Variants in SCP2 observed in about 807,000 individuals in gnomAD.
SCP2 encodes sterol carrier protein 2.
SCP2 carries 48 observed loss-of-function variants against 71.4 expected under a neutral mutation model. That is an observed-to-expected ratio of 0.67 (90% CI 0.53 to 0.86). The LOEUF is 0.86. SCP2 is among the 40% of genes least tolerant of loss of function. The pLI is 0.00. For synonymous variants in SCP2, 220 were observed against 218.1 expected (o/e 1.01, Z -0.08); for missense variants, 560 against 655.6 (o/e 0.85, Z 1.59).
intron 12 of SCP2, among the ~76,000 whole-genome samples, chr1:53,017,811 T>C (rs984601297): frequency 6.6e-6 from 1 of 152,160 alleles, no homozygotes; most frequent in Non-Finnish European, 1.5e-5. Context: ...AGAAAAATTG[T>C]TGGAGTAGTA....
At chr1:52,981,517 A>C (rs1387521669) in intron 10 of SCP2, among the ~76,000 whole-genome samples, 2 of 150,086 alleles carry the variant, frequency 1.3e-5, no homozygotes, top group African/African-American at 4.9e-5. Flanking sequence ...GCTCATTGCA[A>C]CTTCTGCCTC....
intron 11 of SCP2, among the ~76,000 whole-genome samples, chr1:53,002,186 C>CA (rs57702073): frequency 0.096 from 7,294 of 75,602 alleles, 231 homozygotes; most frequent in African/African-American, 0.15. Context: ...GACTCCGTCT[C>CA]AAAAAAAAAA....
chr1:52,932,042 G>A (rs1419064849), intron 1 of SCP2, among the ~76,000 whole-genome samples: 2 of 152,018 alleles, frequency 1.3e-5, no homozygotes, highest in Non-Finnish European at 2.9e-5. Context: ...CTGGACAATG[G>A]AGCAAGAACA....
chr1:53,011,854 C>T (rs74556932), intron 11 of SCP2, among the ~76,000 whole-genome samples: 2 of 152,120 alleles, frequency 1.3e-5, no homozygotes, highest in African/African-American at 2.4e-5. Context: ...GGAAAAACAG[C>T]TTGCTTTTTC....
intron 13 of SCP2, 115 bp from the exon 14 acceptor site, chr1:53,038,802 G>A: frequency 7.6e-6 from 10 of 1,309,912 alleles, no homozygotes; most frequent in East Asian, 2.3e-5. Context: ...GGGACCTTGG[G>A]GACCGCTCCC....
chr1:53,008,345 A>G (rs1660765336), intron 11 of SCP2, among the ~76,000 whole-genome samples: 1 of 152,202 alleles, frequency 6.6e-6, no homozygotes, highest in Admixed American at 6.5e-5. Context: ...ATTTTAGACC[A>G]ATATCCCTGA....
At chr1:52,927,905 C>G (rs1323301961) in intron 1 of SCP2, among the ~76,000 whole-genome samples, 2 of 152,162 alleles carry the variant, frequency 1.3e-5, no homozygotes, top group Non-Finnish European at 2.9e-5. Flanking sequence ...GCCCGAGTGG[C>G]AGATTCCGGC....
At chr1:53,038,599 C>T (rs1663189777) in intron 13 of SCP2, among the ~76,000 whole-genome samples, 1 of 152,022 alleles carries the variant, frequency 6.6e-6, no homozygotes, top group Admixed American at 6.6e-5. Flanking sequence ...GAGACCAGGT[C>T]TCACTATGTT....
At chr1:53,027,358 A>G (rs921801679) in intron 12 of SCP2, among the ~76,000 whole-genome samples, 10 of 151,642 alleles carry the variant, frequency 6.6e-5, no homozygotes, top group Non-Finnish European at 1.5e-5. Flanking sequence ...CTGGCTAACT[A>G]TATTATTTAT....
chr1:52,958,394 C>A (rs183982865), intron 5 of SCP2, among the ~76,000 whole-genome samples: 59 of 152,106 alleles, frequency 3.9e-4, no homozygotes, highest in Admixed American at 2.8e-3. Context: ...CCATGCCGGG[C>A]TAATTTGTGT....
chr1:52,943,228 T>C (rs1388985767), intron 2 of SCP2, among the ~76,000 whole-genome samples: 1 of 138,116 alleles, frequency 7.2e-6, no homozygotes, highest in Non-Finnish European at 1.5e-5. Flanking sequence ...GGTGGGTTCT[T>C]TTTTTTTTTT....
chr1:52,952,438 G>C (rs950237282), intron 4 of SCP2, among the ~76,000 whole-genome samples: 3 of 152,090 alleles, frequency 2.0e-5, no homozygotes, highest in African/African-American at 7.2e-5. Context: ...TGTTGCCCAG[G>C]CTGATCTTGA....
chr1:52,995,286 G>A, intron 11 of SCP2: 1 of 484,550 alleles, frequency 2.1e-6, no homozygotes, highest in Non-Finnish European at 4.1e-6. Context: ...CCATCCATCA[G>A]TCGGTAGAGA....
intron 10 of SCP2, among the ~76,000 whole-genome samples, chr1:52,986,842 A>G (rs901249627): frequency 7.2e-5 from 11 of 151,896 alleles, no homozygotes; most frequent in African/African-American, 2.7e-4. Context: ...TAATTTTTGC[A>G]TATAACCTAT....
intron 2 of SCP2, 134 bp from the exon 3 acceptor site, chr1:52,947,875 T>G: frequency 1.4e-6 from 1 of 691,432 alleles, no homozygotes; most frequent in South Asian, 1.5e-5. Context: ...CATGATTTGA[T>G]GAAGGATTTG....
intron 10 of SCP2, among the ~76,000 whole-genome samples, chr1:52,983,090 C>T (rs1658675847): frequency 6.6e-6 from 1 of 152,112 alleles, no homozygotes; most frequent in African/African-American, 2.4e-5. Context: ...ACCTTAATTC[C>T]TAAAGGAACT....
intron 12 of SCP2, among the ~76,000 whole-genome samples, chr1:53,018,856 T>C (rs1661524890): frequency 6.6e-6 from 1 of 152,202 alleles, no homozygotes; most frequent in Non-Finnish European, 1.5e-5. Context: ...TACTCTAAAC[T>C]TTATTTTTTC....
intron 1 of SCP2, among the ~76,000 whole-genome samples, chr1:52,931,692 A>T (rs1653163269): frequency 6.6e-6 from 1 of 152,248 alleles, no homozygotes; most frequent in Admixed American, 6.5e-5. Flanking sequence ...AGCTTTATTC[A>T]TGCAGAGAGC....
chr1:53,028,785 T>C (rs1662314153), intron 13 of SCP2, among the ~76,000 whole-genome samples: 1 of 152,080 alleles, frequency 6.6e-6, no homozygotes, highest in South Asian at 2.1e-4. Context: ...TTTTGTTTTG[T>C]TTTGTTCTGA....
Sources: allele counts gnomAD v4.1 joint callset (sites outside exome capture counted in the v4.1 genomes callset), GRCh38; gene constraint gnomAD v4.1.1; transcripts MANE v1.5; gene names NCBI Gene and HGNC (gene_info 2026-07-23, HGNC 2026-07-21).